Variants in IGSF9 observed in about 807,000 individuals in gnomAD.
IGSF9 encodes protein turtle homolog A.
In IGSF9, 87 loss-of-function variants were observed where a neutral mutation model predicts 121.7. The observed-to-expected ratio is 0.71, with a 90% confidence interval of 0.60 to 0.85. IGSF9 has a LOEUF of 0.85. Among genes scored for constraint, IGSF9 ranks in the 40% least tolerant of loss-of-function variants. The probability of loss-of-function intolerance (pLI) is 0.00; values close to 1 mark genes in which losing one functional copy is unlikely to be tolerated. For synonymous variants in IGSF9, 640 were observed against 648.4 expected (o/e 0.99, Z 0.20); for missense variants, 1,462 against 1,565.3 (o/e 0.93, Z 1.11).
rs773356560 is a variant in IGSF9 at position 159,930,169 on chromosome 1, G to C, written c.2064+20C>G. Reference sequence around the variant, plus strand: ...GAGAGCCCCTAGGAGGCCTCTCTCTGTATCGCCTTTCGCACATACCTTGAT... The same window carrying C: ...GAGAGCCCCTAGGAGGCCTCTCTCTCTATCGCCTTTCGCACATACCTTGAT... On this transcript the variant is annotated intron_variant, in intron 15 of 20. Coordinates refer to ENST00000368094, the MANE Select transcript of IGSF9 (RefSeq NM_001135050.2). 6 of 1,586,500 alleles carry C rather than the reference G, an allele frequency of 3.8e-6. No homozygotes were observed. The highest frequency in any genetic ancestry group is 4.5e-5 in the East Asian group (2 of 44,494).
rs1278001280 is a variant in IGSF9 at position 159,943,392 on chromosome 1, C to T, written c.58+5G>A. ...GGCATTCTTGAGCCCAAGAGCTCAG[C>T]TTACCGTCAGCCCCCTGGCTGATGA... is the stretch of plus-strand genomic sequence containing the variant. On this transcript the variant is annotated splice_donor_5th_base_variant and intron_variant, in intron 2 of 20. Coordinates refer to ENST00000368094, the MANE Select transcript of IGSF9 (RefSeq NM_001135050.2). The T allele has an allele frequency of 6.3e-7, 1 of 1,582,772 alleles. No homozygotes were observed.
At chr1:159,929,122 G>T (rs1358205201) in intron 18 of IGSF9, 104 bp from the exon 19 acceptor site, 6 of 1,445,072 alleles carry the variant, frequency 4.2e-6, no homozygotes, top group Non-Finnish European at 5.6e-6. Context: ...GCAGAGCTAG[G>T]AAGAACAAGC....
rs967040641 is a variant in IGSF9 at position 159,928,224 on chromosome 1, G to A, written c.3164C>T (p.Thr1055Ile). 1.2e-5 allele frequency: 19 copies of A among 1,613,004 alleles called. No homozygotes were observed. The African/African-American group carries it at 1.7e-4, about 15-fold the overall frequency. ...CTCAGGGCCACTGGCCCAGCTGCTG[G>A]TGTCTCCTGGAGCAGGGCTGAGGTA... is the stretch of plus-strand genomic sequence containing the variant. Reference protein sequence around the residue: ...GSYLSPAPGDTSSWASGPERW... With the variant: ...GSYLSPAPGDISSWASGPERW... Residue 1055 changes from threonine (T) to isoleucine (I), a missense_variant, in exon 19 of 21, where the codon ACC (threonine) becomes ATC (isoleucine). Physicochemically the swap from Thr to Ile is moderately conservative, Grantham distance 89 (BLOSUM62 -1). This residue lies in a region of IGSF9 where 808 missense variants were observed against 815.2 expected (regional missense o/e 0.99). Transcript: ENST00000368094.
Position 159,937,756 on chromosome 1 carries a change from C to T in IGSF9, c.330G>A (p.Val110=), listed in dbSNP as rs575604051. 34 of 1,614,090 alleles carry T rather than the reference C, an allele frequency of 2.1e-5. No individual in the cohort carries two copies. The highest frequency in any genetic ancestry group is 6.7e-5 in the Admixed American group (4 of 60,024). The change falls in exon 4 of 21, where the codon GTG becomes GTA. Residue 110 remains valine, a synonymous_variant. Coordinates refer to ENST00000368094, the MANE Select transcript of IGSF9 (RefSeq NM_001135050.2). ...VEDQGWYECR[V]FFLDQHIPED... is the part of the protein sequence containing the mutation. ...CAGGGATGTGCTGGTCCAGGAAGAA[C>T]ACGCGGCACTCGTACCAGCCCTGGT...
intron 3 of IGSF9, 102 bp downstream of exon 3, chr1:159,942,860 TC>T: frequency 2.2e-6 from 2 of 889,850 alleles, no homozygotes; most frequent in Non-Finnish European, 3.5e-6. Context: ...GGAGATGAGA[TC>T]AGAGCAGGGA....
chr1:159,929,132 C>A (rs1023335249), intron 18 of IGSF9, 114 bp from the exon 19 acceptor site: 8 of 1,410,686 alleles, frequency 5.7e-6, no homozygotes, highest in South Asian at 1.4e-5. Context: ...GAAGAACAAG[C>A]GAGGAAAGGA....
chr1:159,930,798 G>A lies in IGSF9; in HGVS notation c.1707C>T (p.Leu569=), dbSNP rs773168325. 1 of 1,614,050 alleles carries A rather than the reference G, an allele frequency of 6.2e-7. No homozygotes were observed. Residue 569 remains leucine (L), a synonymous_variant, in exon 14 of 21, where the codon CTC becomes CTT. Transcript: ENST00000368094. ...TGTGGGGCTGCAGCCCTGGCACTAG[G>A]AGGTGAGCAGCCCCCACAGGCACTG... The part of the protein sequence containing the change: ...SLAVPVGAAH[L]LVPGLQPHTQ...
chr1:159,932,830 G>C lies in IGSF9; in HGVS notation c.1105-178C>G, dbSNP rs556842013. ...AGTGCTTCCTTTCCTTCCTGCAGAG[G>C]GACCCCTCCCAATAGTGTGAGGCTG... On this transcript the variant is annotated intron_variant, in intron 9 of 20. Transcript: ENST00000368094. This position sits in a 1 kb window ranked among gnomAD's most constrained non-coding sequence, Gnocchi z 4.1. The C allele has an allele frequency of 1.4e-4, 85 of 609,906 alleles. No homozygotes were observed. The highest frequency in any genetic ancestry group is 2.3e-4 in the Non-Finnish European group (83 of 358,358). The allele number at this position is 609,906 out of a possible 1,614,324, so 37.8% of individuals were successfully genotyped here.
rs1553225973 is a variant in IGSF9, at chr1:159,927,097, C to CAGAGAGAG, written c.*240_*247dup. The CAGAGAGAG allele has an allele frequency of 1.9e-4, 69 of 371,946 alleles. No homozygotes were observed. Among genetic ancestry groups the CAGAGAGAG allele is most frequent in the Middle Eastern group, 7.3e-4 (1 of 1,362 alleles). 23.0% of individuals were successfully genotyped at this position (371,946 alleles called of 1,614,324 possible). A position where few individuals can be genotyped will look rare whatever the true frequency, so the allele number is the denominator to read the frequency against. The stretch of plus-strand genomic sequence containing the variant: ...AACTTCACACACACACACACACACA[C>CAGAGAGAG]AGAGAGAGAGAGAGAGAGAGAGAGA... On this transcript the variant is annotated 3_prime_UTR_variant, in exon 21 of 21. Transcript: ENST00000368094.
rs376472892 is a variant in IGSF9, at chr1:159,931,301, A to C, written c.1514-40T>G. ...ATGGAGGGATGGTGGTCAGGGCCTGAGGGAGTGTACAGAGTAGCAGGGGCC... is the reference window on the plus strand; with the variant it reads ...ATGGAGGGATGGTGGTCAGGGCCTGCGGGAGTGTACAGAGTAGCAGGGGCC... On this transcript the variant is annotated intron_variant, in intron 12 of 20. Transcript: ENST00000368094. This position sits in a 1 kb window ranked among gnomAD's most constrained non-coding sequence, Gnocchi z 4.8. 6 of 1,613,596 alleles carry C rather than the reference A, an allele frequency of 3.7e-6. No homozygotes were observed. The highest frequency in any genetic ancestry group is 4.2e-6 in the Non-Finnish European group (5 of 1,179,708).
At position 159,934,689 on chromosome 1, in the gene IGSF9, G is replaced by A; in HGVS notation, c.807C>T (p.Phe269=). The A allele has an allele frequency of 6.2e-7, 1 of 1,614,248 alleles. No homozygotes were observed. Among genetic ancestry groups the A allele is most frequent in the Non-Finnish European group, 8.5e-7 (1 of 1,180,040 alleles). ...AATGAGGGTGACCCCACCTAATGTGGAAGACATTGATGTTGTCCTGGAACC... is the reference window on the plus strand; with the variant it reads ...AATGAGGGTGACCCCACCTAATGTGAAAGACATTGATGTTGTCCTGGAACC... ...YSWFQDNINV[F]HISRLQPRVR... Residue 269 remains phenylalanine, a synonymous_variant, in exon 7 of 21, where the codon TTC becomes TTT. Transcript: ENST00000368094.
Position 159,936,508 on chromosome 1 carries a change from G to T in IGSF9, c.564C>A (p.Asn188Lys). ...GQGQGQVQVQ[N>K]GTLRIRRVER... is the part of the protein sequence containing the mutation. ...CTACCCGGCGGATCCGCAGCGTCCC[G>T]TTCTGCACCTAGGGAAGGAGTGGGT... is the stretch of plus-strand genomic sequence containing the variant. Residue 188 changes from asparagine to lysine, a missense_variant, in exon 6 of 21, where the codon AAC (asparagine) becomes AAA (lysine). Physicochemically the swap from Asn to Lys is moderately conservative, Grantham distance 94. This residue lies in a region of IGSF9 where 558 missense variants were observed against 599.4 expected (regional missense o/e 0.93). Transcript: ENST00000368094. 6.2e-7 allele frequency: 1 copy of T among 1,613,866 alleles called. No homozygotes were observed. The highest frequency in any genetic ancestry group is 1.1e-5 in the South Asian group (1 of 91,074).
At chr1:159,939,752 T>C (rs1252966753) in intron 3 of IGSF9, among the ~76,000 whole-genome samples, 1 of 151,888 alleles carries the variant, frequency 6.6e-6, no homozygotes, top group Admixed American at 6.6e-5. Flanking sequence ...TAGCCAAGAG[T>C]CTTTTTCTAC....
chr1:159,936,988 C>G (rs1249529398), intron 4 of IGSF9, 80 bp from the exon 5 acceptor site: 18 of 1,425,478 alleles, frequency 1.3e-5, no homozygotes, highest in Non-Finnish European at 1.7e-5. Context: ...GGAGACCACT[C>G]AGGGCTCCAG....
chr1:159,929,579 G>A, intron 17 of IGSF9, 59 bp downstream of exon 17: 1 of 1,539,904 alleles, frequency 6.5e-7, no homozygotes, highest in Non-Finnish European at 8.8e-7. Flanking sequence ...CAGGTAGGAG[G>A]GGCTTAAGGA....
intron 4 of IGSF9, 95 bp from the exon 5 acceptor site, chr1:159,937,003 C>A: frequency 7.9e-7 from 1 of 1,270,510 alleles, no homozygotes. Context: ...CTCCAGCCTG[C>A]TGCCCACCCA....
In IGSF9 at chr1:159,929,563, T is replaced by C. The variant is rs1650894781; in HGVS notation, c.2326+75A>G. 4 of 1,514,440 alleles carry C rather than the reference T, an allele frequency of 2.6e-6. No homozygotes were observed. In the South Asian group the frequency reaches 5.0e-5, roughly 19 times the overall value. 93.8% of individuals were successfully genotyped at this position (1,514,440 alleles called of 1,614,324 possible). ...CTGGATCACACAGGAGCGAGGGCTT[T>C]TCCCCCAGGTAGGAGGGGCTTAAGG... On this transcript the variant is annotated intron_variant, in intron 17 of 20. Coordinates refer to ENST00000368094, the MANE Select transcript of IGSF9 (RefSeq NM_001135050.2).
intron 3 of IGSF9, among the ~76,000 whole-genome samples, chr1:159,938,508 C>T (rs892394324): frequency 2.6e-5 from 4 of 152,206 alleles, no homozygotes; most frequent in African/African-American, 9.6e-5. Flanking sequence ...CAACCAGACA[C>T]CTCAATCCCA....
chr1:159,937,674 C>G lies in IGSF9; in HGVS notation c.400+12G>C, dbSNP rs1557935970. 1 of 1,609,346 alleles carries G rather than the reference C, an allele frequency of 6.2e-7. No homozygotes were observed. Among genetic ancestry groups the G allele is most frequent in the Non-Finnish European group, 8.5e-7 (1 of 1,175,970 alleles). On this transcript the variant is annotated intron_variant, in intron 4 of 20. Coordinates refer to ENST00000368094, the MANE Select transcript of IGSF9 (RefSeq NM_001135050.2). ...CCCGTCCTTCTCCACCACCTGCCCC[C>G]CAGCTTCATACAATTGACTGTCAGA...
Sources: allele counts gnomAD v4.1 joint callset (sites outside exome capture counted in the v4.1 genomes callset), GRCh38; gene constraint gnomAD v4.1.1; regional missense constraint gnomAD v4.1.1; non-coding constraint Gnocchi (gnomAD v3.1); transcripts MANE v1.5; gene names NCBI Gene and HGNC (gene_info 2026-07-23, HGNC 2026-07-21).